LPIN1: variants seen among roughly 807,000 people sequenced by gnomAD.
The protein encoded by LPIN1 is phosphatidate phosphatase LPIN1.
A neutral mutation model predicts 107.5 loss-of-function variants in LPIN1; 71 were observed. The observed-to-expected ratio is 0.66, with a 90% CI of 0.55 to 0.80. LPIN1 has a LOEUF of 0.80. Ranked by LOEUF, LPIN1 falls within the 30% of genes least tolerant of loss-of-function variation. LPIN1 has a pLI of 0.00. For missense variants in LPIN1, 1,043 were observed against 1,160.6 expected (o/e 0.90, Z 1.47); for synonymous variants, 445 against 452.6 (o/e 0.98, Z 0.21).
intron 1 of LPIN1, among the ~76,000 whole-genome samples, chr2:11,711,360 T>A (rs1663397816): frequency 6.6e-6 from 1 of 152,216 alleles, no homozygotes. Context: ...AGCTGCCATA[T>A]TAAGCAACGT....
At position 11,707,088 on chromosome 2, in the gene LPIN1, G is replaced by A. The variant is rs892335238; in HGVS notation, c.82-6668G>A. Among the ~76,000 whole-genome samples the A allele has an allele frequency of 4.6e-5, 7 of 152,136 alleles. No homozygotes were observed. The highest frequency in any genetic ancestry group is 1.9e-4 in the East Asian group (1 of 5,196). The stretch of plus-strand genomic sequence containing the variant: ...CAGCACCTCTTAGAGCCTGTTACAC[G>A]TGAGGCATTATCACAGGTGCTGGGA... On this transcript the variant is annotated intron_variant, in intron 1 of 21. Coordinates refer to the LPIN1 transcript ENST00000449576. This position sits in a 1 kb window ranked among gnomAD's most constrained non-coding sequence, Gnocchi z 4.2.
intron 2 of LPIN1, among the ~76,000 whole-genome samples, chr2:11,714,511 G>A (rs1336081079): frequency 6.6e-6 from 1 of 152,196 alleles, no homozygotes; most frequent in Non-Finnish European, 1.5e-5. Flanking sequence ...CACTCCCAGA[G>A]GTGGTCCCAA....
chr2:11,770,110 T>G (rs927463533), intron 3 of LPIN1, among the ~76,000 whole-genome samples: 2 of 152,250 alleles, frequency 1.3e-5, no homozygotes, highest in Non-Finnish European at 2.9e-5. Context: ...AGAAACTCTT[T>G]GCACTGCATG....
At chr2:11,715,023 G>A (rs1453939153) in intron 2 of LPIN1, among the ~76,000 whole-genome samples, 1 of 152,242 alleles carries the variant, frequency 6.6e-6, no homozygotes, top group Non-Finnish European at 1.5e-5. Context: ...GGATTGGCAG[G>A]GACTGGGGCC....
chr2:11,815,325 T>C (rs1281430363), intron 18 of LPIN1, 85 bp downstream of exon 18: 1 of 1,479,564 alleles, frequency 6.8e-7, no homozygotes, highest in Non-Finnish European at 9.3e-7. Flanking sequence ...AAGAATAGCC[T>C]CCTCACTGGT....
At chr2:11,760,012 C>T (rs1418003662) in intron 1 of LPIN1, among the ~76,000 whole-genome samples, 3 of 147,970 alleles carry the variant, frequency 2.0e-5, no homozygotes, top group South Asian at 2.2e-4. Flanking sequence ...ACGGGGCGGC[C>T]GGGCAGAGAC....
chr2:11,743,752 G>GATCA (rs377359212), upstream of LPIN1, among the ~76,000 whole-genome samples: 137 of 152,292 alleles, frequency 9.0e-4, no homozygotes, highest in African/African-American at 3.1e-3. The surrounding 1 kb of genome is among the most constrained non-coding windows in gnomAD (Gnocchi z 4.7). Flanking sequence ...AGTCCTGGGG[G>GATCA]ATCAGCCAGT....
At chr2:11,760,343 G>C (rs1455404609) in intron 1 of LPIN1, among the ~76,000 whole-genome samples, 6 of 152,230 alleles carry the variant, frequency 3.9e-5, no homozygotes, top group Admixed American at 2.0e-4. Context: ...CTGGGAGGTG[G>C]AGGTTGTAGC....
intron 14 of LPIN1, among the ~76,000 whole-genome samples, chr2:11,795,794 CAGTG>C (rs1193713484): frequency 6.6e-6 from 1 of 152,190 alleles, no homozygotes; most frequent in African/African-American, 2.4e-5. Context: ...ACAATAATAA[CAGTG>C]AGAATAATGA....
chr2:11,748,642 T>C (rs2148572330), intron 1 of LPIN1, among the ~76,000 whole-genome samples: 1 of 152,326 alleles, frequency 6.6e-6, no homozygotes, highest in Middle Eastern at 3.4e-3. Flanking sequence ...GCCTCTGCTC[T>C]GTAAATCATC....
Position 11,803,108 on chromosome 2 carries a change from G to T in LPIN1, c.2013+75G>T. 1 of 1,592,656 alleles carries T rather than the reference G, an allele frequency of 6.3e-7. No individual in the cohort carries two copies. The highest frequency in any genetic ancestry group is 1.1e-5 in the South Asian group (1 of 90,594). ...TGCAGACTCCTAAGGCTGTGTGATG[G>T]TTGGGATGTGCCCGTTACTTGTCAC... On this transcript the variant is annotated intron_variant, in intron 15 of 20. Transcript: ENST00000674199. This position sits in a 1 kb window ranked among gnomAD's most constrained non-coding sequence, Gnocchi z 4.2.
At chr2:11,708,455 C>G (rs1197763346) in intron 1 of LPIN1, among the ~76,000 whole-genome samples, 1 of 151,992 alleles carries the variant, frequency 6.6e-6, no homozygotes, top group Non-Finnish European at 1.5e-5. Flanking sequence ...TGTACATGTC[C>G]CGGGAGTGGA....
At chr2:11,740,754 C>T (rs1186939464) in intron 1 of LPIN1, among the ~76,000 whole-genome samples, 1 of 147,328 alleles carries the variant, frequency 6.8e-6, no homozygotes, top group African/African-American at 2.6e-5. Flanking sequence ...AAGAAAAGAT[C>T]TTCTTATCAA....
intron 1 of LPIN1, among the ~76,000 whole-genome samples, chr2:11,747,939 C>G (rs992222168): frequency 1.3e-5 from 2 of 152,280 alleles, no homozygotes; most frequent in African/African-American, 4.8e-5. Flanking sequence ...GGACTCGGGT[C>G]GGGAGGTCTG....
At chr2:11,736,038 G>A (rs896158959) in intron 1 of LPIN1, among the ~76,000 whole-genome samples, 3 of 152,294 alleles carry the variant, frequency 2.0e-5, no homozygotes, top group East Asian at 1.9e-4. Context: ...GCCAGAAACT[G>A]ATCACTCAGC....
chr2:11,698,071 C>T (rs62116209), intron 1 of LPIN1, among the ~76,000 whole-genome samples: 11,189 of 152,210 alleles, frequency 0.074, 545 homozygotes, highest in Middle Eastern at 0.15. Flanking sequence ...CTGTCTAGAG[C>T]CCCTCTCTCA....
At chr2:11,752,952 C>T (rs930436201) in intron 1 of LPIN1, among the ~76,000 whole-genome samples, 2 of 152,192 alleles carry the variant, frequency 1.3e-5, no homozygotes, top group Admixed American at 6.5e-5. Context: ...TGACCTCTGT[C>T]ACCTCATCCT....
At chr2:11,813,685 C>A (rs541084881) in intron 17 of LPIN1, among the ~76,000 whole-genome samples, 2 of 152,006 alleles carry the variant, frequency 1.3e-5, no homozygotes, top group Non-Finnish European at 2.9e-5. Flanking sequence ...GAGGCCGAGA[C>A]GGGTGGATCA....
chr2:11,726,768 C>T (rs557920643), intron 1 of LPIN1, among the ~76,000 whole-genome samples: 14 of 152,326 alleles, frequency 9.2e-5, no homozygotes, highest in African/African-American at 3.1e-4. Context: ...ATCTGATCTA[C>T]GATCCTCAAT....
Sources: gnomAD v4.1 joint callset for allele counts (sites outside exome capture counted in the v4.1 genomes callset) on GRCh38, gnomAD v4.1.1 for gene constraint, Gnocchi (gnomAD v3.1) non-coding constraint, MANE v1.5 for transcripts, NCBI Gene and HGNC (gene_info 2026-07-23, HGNC 2026-07-21) for gene names.